Variants in MMP26 observed in about 807,000 individuals in gnomAD.
The protein encoded by MMP26 is matrix metalloproteinase-26.
Under a neutral mutation model 31.0 loss-of-function variants are expected in MMP26, and 33 were observed. The ratio of observed to expected loss-of-function variants is 1.06; its 90% CI spans 0.81 to 1.42. MMP26 has a LOEUF of 1.42. Among genes scored for constraint, MMP26 ranks in the 40% most tolerant of loss-of-function variants. The probability of loss-of-function intolerance (pLI) is 0.00; values close to 1 mark genes in which losing one functional copy is unlikely to be tolerated. For synonymous variants in MMP26, 122 were observed against 114.9 expected (o/e 1.06, Z -0.40); for missense variants, 347 against 316.1 (o/e 1.10, Z -0.74).
At chr11:4,726,158 A>T (rs1848096470) in intron 1 of MMP26, among the ~76,000 whole-genome samples, 1 of 152,230 alleles carries the variant, frequency 6.6e-6, no homozygotes, top group Non-Finnish European at 1.5e-5. Flanking sequence ...ATATGAAAAC[A>T]TCTTATGACA....
intron 2 of MMP26, chr11:4,822,522 G>A (rs1849524793): frequency 2.8e-6 from 2 of 720,526 alleles, no homozygotes; most frequent in Admixed American, 8.3e-5. Flanking sequence ...CAATTTCTTT[G>A]TCAATAAATT....
chr11:4,795,872 C>T (rs1002670231), intron 2 of MMP26, among the ~76,000 whole-genome samples: 2 of 138,382 alleles, frequency 1.4e-5, no homozygotes, highest in Non-Finnish European at 3.2e-5. Context: ...GAGAGAGAGA[C>T]CTAACAATCA....
intron 1 of MMP26, among the ~76,000 whole-genome samples, chr11:4,729,599 T>C (rs1423754914): frequency 1.3e-5 from 2 of 152,266 alleles, no homozygotes; most frequent in Middle Eastern, 3.4e-3. Flanking sequence ...CTTGGAGGTA[T>C]TGAGCAGAGT....
At chr11:4,868,298 T>C (rs865981529) in intron 2 of MMP26, among the ~76,000 whole-genome samples, 5 of 152,198 alleles carry the variant, frequency 3.3e-5, no homozygotes, top group Non-Finnish European at 4.4e-5. Flanking sequence ...GCAGATGACA[T>C]GATTGTACCT....
chr11:4,806,011 C>A (rs975808193), intron 2 of MMP26, among the ~76,000 whole-genome samples: 1 of 152,060 alleles, frequency 6.6e-6, no homozygotes, highest in Non-Finnish European at 1.5e-5. Context: ...TACCCATCAC[C>A]TCTTGGAACT....
intron 2 of MMP26, among the ~76,000 whole-genome samples, chr11:4,881,262 G>T (rs185702157): frequency 1.5e-4 from 23 of 152,092 alleles, no homozygotes; most frequent in Non-Finnish European, 8.8e-5. Context: ...TCCTCTTACC[G>T]CCTTGCATTA....
intron 2 of MMP26, among the ~76,000 whole-genome samples, chr11:4,900,856 A>T (rs1340569921): frequency 6.6e-6 from 1 of 152,068 alleles, no homozygotes; most frequent in African/African-American, 2.4e-5. Flanking sequence ...CTTACATAGA[A>T]CCACCTCTTT....
In MMP26 at chr11:4,722,992, C is replaced by G. The variant is rs1033950069; in HGVS notation, c.-217+17947C>G. The G allele has an allele frequency of 9.3e-6, 8 of 861,326 alleles. No individual in the cohort carries two copies. The East Asian group carries it at 1.7e-4, about 18-fold the overall frequency. 53.4% of individuals were successfully genotyped at this position (861,326 alleles called of 1,614,324 possible). A position where few individuals can be genotyped will look rare whatever the true frequency, so the allele number is the denominator to read the frequency against. ...GCATCCCAGACTCCAGCCGGCTCTC[C>G]TCGCCATCCAGCAGCTTCCTGTAGG... On this transcript the variant is annotated intron_variant, in intron 1 of 7. Coordinates refer to ENST00000380390, the MANE Select transcript of MMP26 (RefSeq NM_021801.5).
chr11:4,907,699 G>T (rs755047857), intron 2 of MMP26: 1 of 1,613,326 alleles, frequency 6.2e-7, no homozygotes, highest in African/African-American at 1.3e-5. Flanking sequence ...TCACTGTCAT[G>T]GAATCCTCAG....
chr11:4,835,235 T>TACAC (rs1849702367), intron 2 of MMP26, among the ~76,000 whole-genome samples: 5 of 65,636 alleles, frequency 7.6e-5, no homozygotes, highest in African/African-American at 2.7e-4. Context: ...CACACACACA[T>TACAC]ACACACACGA....
At chr11:4,804,625 G>A in intron 2 of MMP26, 1 of 677,982 alleles carries the variant, frequency 1.5e-6, no homozygotes, top group Non-Finnish European at 2.8e-6. Context: ...CATACTAGTT[G>A]CATGTGTAAC....
At chr11:4,877,531 T>C (rs1297302698) in intron 2 of MMP26, 1 of 152,138 alleles carries the variant, frequency 6.6e-6, no homozygotes, top group African/African-American at 2.4e-5. Flanking sequence ...TCCAAGTAAA[T>C]GCAATCAAGT....
intron 2 of MMP26, chr11:4,914,847 C>A (rs746692318): frequency 8.1e-6 from 13 of 1,613,940 alleles, no homozygotes; most frequent in Non-Finnish European, 1.0e-5. Context: ...AGGTGGGGTG[C>A]CTGCTTTCCA....
chr11:4,930,134 A>G (rs1314177788), intron 2 of MMP26, among the ~76,000 whole-genome samples: 1 of 152,108 alleles, frequency 6.6e-6, no homozygotes, highest in Admixed American at 6.6e-5. Flanking sequence ...TTAATTTTAA[A>G]AATAAAAACA....
intron 2 of MMP26, chr11:4,944,584 C>T: frequency 6.6e-6 from 1 of 152,204 alleles, no homozygotes; most frequent in Non-Finnish European, 1.5e-5. Context: ...TTTCTTGATT[C>T]ACCTGAGGTT....
intron 2 of MMP26, among the ~76,000 whole-genome samples, chr11:4,966,021 T>C (rs939699329): frequency 2.0e-5 from 3 of 152,170 alleles, no homozygotes; most frequent in African/African-American, 7.2e-5. Flanking sequence ...TTTATAAAAA[T>C]TAAGTGGTTT....
intron 2 of MMP26, among the ~76,000 whole-genome samples, chr11:4,842,438 G>C (rs551902812): frequency 3.0e-4 from 46 of 152,310 alleles, no homozygotes; most frequent in African/African-American, 1.1e-3. Flanking sequence ...GAGGCCTCAA[G>C]AAACTTACAA....
rs1243479709 is a variant in MMP26, at chr11:4,953,953, G to A, written c.-144-34115G>A. The stretch of plus-strand genomic sequence containing the variant: ...TGTAATCCTAGATACTCGGGAGGCT[G>A]AGAGGCAAGAGAATCGCTTGAACCT... On this transcript the variant is annotated intron_variant, in intron 2 of 7. Coordinates refer to ENST00000380390, the MANE Select transcript of MMP26 (RefSeq NM_021801.5). Among the ~76,000 whole-genome samples the A allele has an allele frequency of 2.4e-5, 3 of 125,476 alleles. 1 individual carries two copies. Among genetic ancestry groups the A allele is most frequent in the African/African-American group, 2.7e-5 (1 of 36,792 alleles). 82.3% of individuals were successfully genotyped at this position (125,476 alleles called of 152,430 possible).
chr11:4,803,317 G>A, intron 2 of MMP26: 4 of 743,444 alleles, frequency 5.4e-6, no homozygotes, highest in Non-Finnish European at 4.4e-6. Context: ...GCTTACCTCT[G>A]AGCCAGTTAT....
Sources: gnomAD v4.1 joint callset for allele counts (sites outside exome capture counted in the v4.1 genomes callset) on GRCh38, gnomAD v4.1.1 for gene constraint, MANE v1.5 for transcripts, NCBI Gene and HGNC (gene_info 2026-07-23, HGNC 2026-07-21) for gene names.